The following KMT2D variants were observed in gnomAD, a reference collection of about 807,000 sequenced individuals.
The protein encoded by KMT2D is lysine methyltransferase 2D.
Under a neutral mutation model 512.7 loss-of-function variants are expected in KMT2D, and 55 were observed. The ratio of observed to expected loss-of-function variants is 0.11; its 90% confidence interval spans 0.09 to 0.13. The LOEUF (loss-of-function observed/expected upper bound fraction) is 0.13, where lower values mean the gene tolerates loss of function less well. Among genes scored for constraint, KMT2D ranks in the 10% least tolerant of loss-of-function variants. The probability of loss-of-function intolerance (pLI) is 1.00; values close to 1 mark genes in which losing one functional copy is unlikely to be tolerated. For missense variants in KMT2D, 6,061 were observed against 7,127.9 expected, an observed-to-expected ratio of 0.85 and a Z score of 5.39; for synonymous variants, 2,995 against 2,904.0, an observed-to-expected ratio of 1.03 and a Z score of -1.01.
chr12:49,045,050 G>C (rs1384980885), intron 19 of KMT2D, 85 bp from the exon 20 acceptor site: 3 of 1,315,294 alleles, frequency 2.3e-6, no homozygotes, highest in South Asian at 2.5e-5. Flanking sequence ...GTCCTTAGCT[G>C]AGACAAAGGC....
rs1184579707 is a variant in KMT2D, at chr12:49,019,204, TACAC to T, written c.*2572_*2575del. 2 of 1,028,042 alleles carry T rather than the reference TACAC, an allele frequency of 1.9e-6. No individual in the cohort carries two copies. The highest frequency in any genetic ancestry group is 3.9e-5 in the South Asian group (1 of 25,648). 63.7% of individuals were successfully genotyped at this position (1,028,042 alleles called of 1,614,324 possible). A position where few individuals can be genotyped will look rare whatever the true frequency, so the allele number is the denominator to read the frequency against. On this transcript the variant is annotated 3_prime_UTR_variant, in exon 55 of 55. Coordinates refer to ENST00000301067, the MANE Select transcript of KMT2D (RefSeq NM_003482.4). ...GAAGGACCAACCTTGCTGTACAGGA[TACAC>T]ACAACACAAAATAAAGTCTTCACGG...
rs1027725881 is a variant in KMT2D at position 49,020,538 on chromosome 12, A to G, written c.*1242T>C. The G allele has an allele frequency of 4.4e-5, 9 of 204,748 alleles. No individual in the cohort carries two copies. In the Admixed American group the frequency reaches 5.4e-4, roughly 12 times the overall value. The allele number at this position is 204,748 out of a possible 1,614,324, so 12.7% of individuals were successfully genotyped here. A position where few individuals can be genotyped will look rare whatever the true frequency, so the allele number is the denominator to read the frequency against. ...CCAGCCGGCTCCCCCATGCCCCACAAGACTATGTACAATCCCATGTATAAA... is the reference window on the plus strand; with the variant it reads ...CCAGCCGGCTCCCCCATGCCCCACAGGACTATGTACAATCCCATGTATAAA... On this transcript the variant is annotated 3_prime_UTR_variant, in exon 55 of 55. Coordinates refer to ENST00000301067, the MANE Select transcript of KMT2D (RefSeq NM_003482.4).
rs1448325203 is a variant in KMT2D at position 49,044,699 on chromosome 12, C to T, written c.4963+45G>A. On this transcript the variant is annotated intron_variant, in intron 20 of 54. Coordinates refer to ENST00000301067, the MANE Select transcript of KMT2D (RefSeq NM_003482.4). This position sits in a 1 kb window ranked among gnomAD's most constrained non-coding sequence, Gnocchi z 6.4. ...CCACCCAACATCCCACTCCCAGAGT[C>T]ACGCTCCCCCTACTCTGCCGCTCCC... The T allele has an allele frequency of 1.3e-6, 2 of 1,583,126 alleles. No individual in the cohort carries two copies. The highest frequency in any genetic ancestry group is 1.7e-6 in the Non-Finnish European group (2 of 1,155,100).
At chr12:49,043,339 C>A (rs370146842) in intron 25 of KMT2D, 24 bp downstream of exon 25, 1 of 1,612,636 alleles carries the variant, frequency 6.2e-7, no homozygotes, top group Non-Finnish European at 8.5e-7. Context: ...CAAGACAGGA[C>A]ACAGTAACCC....
Position 49,042,208 on chromosome 12 carries a change from G to A in KMT2D, c.5990C>T (p.Ser1997Phe), listed in dbSNP as rs1198472118. The A allele has an allele frequency of 1.9e-6, 3 of 1,605,950 alleles. No individual in the cohort carries two copies. The highest frequency in any genetic ancestry group is 2.6e-6 in the Non-Finnish European group (3 of 1,176,448). The change falls in exon 29 of 55, where the codon TCC (serine) becomes TTC (phenylalanine). Residue 1997 changes from serine to phenylalanine, a missense_variant. Ser to Phe is a radical substitution (Grantham distance 155). Around this residue, in one of 16 missense-constraint regions of KMT2D, gnomAD observed 640 missense variants for 814.3 expected, o/e 0.79. Transcript: ENST00000301067. This position sits in a 1 kb window ranked among gnomAD's most constrained non-coding sequence, Gnocchi z 4.4. The stretch of plus-strand genomic sequence containing the variant: ...GCGCTGAAGACTCCGCTGGTTATAG[G>A]AGAGTCCGTCGCCCTCACCCTCCGT... ...PTTEGEGDGL[S>F]YNQRSLQRWE...
At position 49,037,378 on chromosome 12, in the gene KMT2D, G is replaced by C. The variant is rs1202532978; in HGVS notation, c.9978C>G (p.Pro3326=). The C allele has an allele frequency of 6.2e-7, 1 of 1,609,412 alleles. No homozygotes were observed. The highest frequency in any genetic ancestry group is 1.3e-5 in the African/African-American group (1 of 74,892). ...GLAGARQPGL[P]QPLMPTQPPA... ...GTGGCTGGGTGGGCATCAGTGGCTG[G>C]GGCAAACCTGGCTGTCGGGCACCTG... is the stretch of plus-strand genomic sequence containing the variant. The change falls in exon 35 of 55, where the codon CCC becomes CCG. Residue 3326 remains proline (P), a synonymous_variant. Transcript: ENST00000301067.
Position 49,018,998 on chromosome 12 carries a change from T to A in KMT2D, c.*2782A>T. The A allele has an allele frequency of 1.4e-6, 2 of 1,401,170 alleles. No individual in the cohort carries two copies. The highest frequency in any genetic ancestry group is 1.8e-6 in the Non-Finnish European group (2 of 1,081,744). 86.8% of individuals were successfully genotyped at this position (1,401,170 alleles called of 1,614,324 possible). A position where few individuals can be genotyped will look rare whatever the true frequency, so the allele number is the denominator to read the frequency against. On this transcript the variant is annotated 3_prime_UTR_variant, in exon 55 of 55. Transcript: ENST00000301067. ...GCTTGTATTTAAAATGTTCTTTTTT[T>A]ATTTGTCGTTTAAAAACAAACTTGG...
chr12:49,023,948 T>C, intron 51 of KMT2D: 1 of 404,886 alleles, frequency 2.5e-6, no homozygotes, highest in Non-Finnish European at 4.8e-6. Flanking sequence ...AGTGAAGAAG[T>C]AAGGGTCTGG....
In KMT2D at chr12:49,051,177, G is replaced by T. The variant is rs200192746; in HGVS notation, c.2506C>A (p.Gln836Lys). 727 of 1,509,910 alleles carry T rather than the reference G, an allele frequency of 4.8e-4. 1 individual carries two copies. The highest frequency in any genetic ancestry group is 6.3e-4 in the Non-Finnish European group (706 of 1,124,108). The allele number at this position is 1,509,910 out of a possible 1,614,324, so 93.5% of individuals were successfully genotyped here. A position where few individuals can be genotyped will look rare whatever the true frequency, so the allele number is the denominator to read the frequency against. The change falls in exon 11 of 55, where the codon CAG becomes AAG. Residue 836 changes from glutamine to lysine, a missense_variant. By Grantham distance (53) the Gln-to-Lys change is moderately conservative. Transcript: ENST00000301067. Reference sequence around the variant, plus strand: ...GGGGACAGGCATGGCTCCTCAGACTGGGGGGACAGGTGTGATTCCTCAGGT... The same window carrying T: ...GGGGACAGGCATGGCTCCTCAGACTTGGGGGACAGGTGTGATTCCTCAGGT... ...PQPEESHLSP[Q>K]SEEPCLSPRP...
intron 43 of KMT2D, 125 bp downstream of exon 43, chr12:49,030,155 G>T: frequency 1.3e-6 from 1 of 752,896 alleles, no homozygotes; most frequent in Non-Finnish European, 2.1e-6. Flanking sequence ...CCTACCTCAG[G>T]TGCCCTGTTA....
In KMT2D at chr12:49,021,338, C is replaced by A. The variant is rs1942318468; in HGVS notation, c.*442G>T. 1 of 250,898 alleles carries A rather than the reference C, an allele frequency of 4.0e-6. No homozygotes were observed. Among genetic ancestry groups the A allele is most frequent in the Non-Finnish European group, 7.7e-6 (1 of 129,290 alleles). The allele number at this position is 250,898 out of a possible 1,614,324, so 15.5% of individuals were successfully genotyped here. ...GGCAGGGCCAGGTGTGGGACCCGGC[C>A]TTTGGGATTGTCAAGCTTAGTCAAG... On this transcript the variant is annotated 3_prime_UTR_variant, in exon 55 of 55. Coordinates refer to ENST00000301067, the MANE Select transcript of KMT2D (RefSeq NM_003482.4).
intron 14 of KMT2D, 49 bp from the exon 15 acceptor site, chr12:49,048,118 C>T (rs2120621757): frequency 1.6e-6 from 2 of 1,246,994 alleles, no homozygotes; most frequent in Non-Finnish European, 1.2e-6. Context: ...CTCCCCATCC[C>T]ACTCAGATCC....
chr12:49,025,267 C>T (rs1942516917), intron 49 of KMT2D, among the ~76,000 whole-genome samples: 1 of 151,320 alleles, frequency 6.6e-6, no homozygotes. Flanking sequence ...GGTTCTAGTA[C>T]TGGTCATGAG....
At position 49,024,766 on chromosome 12, in the gene KMT2D, TC is replaced by T; in HGVS notation, c.15921+43del. ...AGTTTTTTTGGGGTTAGGCCAAAGTTCTCAGTGCCCGCCAAGCCCCCCAGCT... is the reference window on the plus strand; with the variant it reads ...AGTTTTTTTGGGGTTAGGCCAAAGTTTCAGTGCCCGCCAAGCCCCCCAGCT... On this transcript the variant is annotated intron_variant, in intron 50 of 54. Transcript: ENST00000301067. This position sits in a 1 kb window ranked among gnomAD's most constrained non-coding sequence, Gnocchi z 4.5. 1 of 1,608,846 alleles carries T rather than the reference TC, an allele frequency of 6.2e-7. No homozygotes were observed. The highest frequency in any genetic ancestry group is 8.5e-7 in the Non-Finnish European group (1 of 1,176,062).
chr12:49,047,398 A>C (rs1258342229), intron 15 of KMT2D, among the ~76,000 whole-genome samples: 2 of 139,822 alleles, frequency 1.4e-5, no homozygotes, highest in African/African-American at 5.3e-5. Context: ...TAGGTCCCCC[A>C]GTTTTTCCTT....
rs1389315771 is a variant in KMT2D at position 49,033,149 on chromosome 12, C to T, written c.11556G>A (p.Leu3852=). The part of the protein sequence containing the change: ...QQGQGLMGHR[L]VTAQQQQQQQ... ...GCTGCTGCTGCTGCTGGGCTGTGAC[C>T]AGCCTGTGTCCCATAAGGCCCTGAC... is the stretch of plus-strand genomic sequence containing the variant. Residue 3852 remains leucine (L), a synonymous_variant, in exon 40 of 55, where the codon CTG becomes CTA. Coordinates refer to ENST00000301067, the MANE Select transcript of KMT2D (RefSeq NM_003482.4). 3.9e-6 allele frequency: 6 copies of T among 1,551,134 alleles called. No homozygotes were observed. The South Asian group carries it at 5.9e-5, about 15-fold the overall frequency.
At chr12:49,031,121 C>T (rs1942885612) in intron 40 of KMT2D, 54 bp downstream of exon 40, 4 of 1,609,832 alleles carry the variant, frequency 2.5e-6, no homozygotes, top group Non-Finnish European at 3.4e-6. Context: ...TCATTCTGCC[C>T]CCCGCTGGCT....
Position 49,033,596 on chromosome 12 carries a change from G to A in KMT2D, c.11109C>T (p.Asn3703=), listed in dbSNP as rs1428666339. The change falls in exon 40 of 55, where the codon AAC becomes AAT. Residue 3703 remains asparagine, a synonymous_variant. Coordinates refer to ENST00000301067, the MANE Select transcript of KMT2D (RefSeq NM_003482.4). ...CAGGTCCGAGGCTTCGAAGAGCAAG[G>A]TTGCCAGGGAAGAAGCCCCCTGAAG... ...AGPSGGFFPG[N]LALRSLGPDS... The A allele has an allele frequency of 1.2e-6, 2 of 1,613,460 alleles. No homozygotes were observed. Among genetic ancestry groups the A allele is most frequent in the Non-Finnish European group, 1.7e-6 (2 of 1,179,852 alleles).
rs1435901732 is a variant in KMT2D at position 49,038,844 on chromosome 12, G to A, written c.8512C>T (p.Pro2838Ser). 1 of 1,554,940 alleles carries A rather than the reference G, an allele frequency of 6.4e-7. No homozygotes were observed. Among genetic ancestry groups the A allele is most frequent in the Non-Finnish European group, 8.7e-7 (1 of 1,148,820 alleles). ...CCAAGTTCAGGTCCAGGAGTTGATGGAAAGCGAGCTGACATGGCAAATCGC... is the reference window on the plus strand; with the variant it reads ...CCAAGTTCAGGTCCAGGAGTTGATGAAAAGCGAGCTGACATGGCAAATCGC... The part of the protein sequence containing the change: ...SMRFAMSARF[P>S]STPGPELGRQ... The change falls in exon 35 of 55, where the codon CCA (proline) becomes TCA (serine). Residue 2838 changes from proline to serine, a missense_variant. Physicochemically the swap from Pro to Ser is moderately conservative, Grantham distance 74. Coordinates refer to ENST00000301067, the MANE Select transcript of KMT2D (RefSeq NM_003482.4). The surrounding 1 kb of genome is among the most constrained non-coding windows in gnomAD (Gnocchi z 5.7).
Sources: gnomAD v4.1 joint callset for allele counts (sites outside exome capture counted in the v4.1 genomes callset) on GRCh38, gnomAD v4.1.1 for gene constraint, gnomAD v4.1.1 regional missense constraint, Gnocchi (gnomAD v3.1) non-coding constraint, MANE v1.5 for transcripts, NCBI Gene and HGNC (gene_info 2026-07-23, HGNC 2026-07-21) for gene names.